Variants in ENTPD1 observed in about 807,000 individuals in gnomAD.
The protein encoded by ENTPD1 is ectonucleoside triphosphate diphosphohydrolase 1.
A neutral mutation model predicts 57.0 loss-of-function variants in ENTPD1; 33 were observed. The observed-to-expected ratio is 0.58, with a 90% confidence interval of 0.44 to 0.77. The LOEUF (loss-of-function observed/expected upper bound fraction) is 0.77. Ranked by LOEUF, ENTPD1 falls within the 30% of genes least tolerant of loss-of-function variation. The pLI is 0.00. For missense variants in ENTPD1, 501 were observed against 603.4 expected (o/e 0.83, Z 1.78); for synonymous variants, 202 against 218.8 (o/e 0.92, Z 0.68).
intron 7 of ENTPD1, among the ~76,000 whole-genome samples, chr10:95,859,857 G>C (rs2098462246): frequency 6.7e-6 from 1 of 149,846 alleles, no homozygotes; most frequent in Non-Finnish European, 1.5e-5. Flanking sequence ...ATTTTTTTTT[G>C]TTTTACTGAT....
chr10:95,704,699 T>C, the ENTPD1 span, among the ~76,000 whole-genome samples: 3 of 152,128 alleles, frequency 2.0e-5, no homozygotes, highest in Non-Finnish European at 4.4e-5. Context: ...TGATGTAAGA[T>C]AATACGATCC....
intron 1 of ENTPD1, among the ~76,000 whole-genome samples, chr10:95,786,842 T>C (rs1264689287): frequency 1.3e-5 from 2 of 152,216 alleles, no homozygotes; most frequent in Non-Finnish European, 2.9e-5. Flanking sequence ...TGATTACAAA[T>C]GGAGTTGTGG....
Position 95,866,743 on chromosome 10 carries a change from T to C in ENTPD1, c.*360T>C. On this transcript the variant is annotated 3_prime_UTR_variant, in exon 10 of 10. Transcript: ENST00000371205. ...AGTCTTGAGTCCTGTGATAGGAGGCTGAGCTGGCTGAAAGAAGAATCTCAG... is the reference window on the plus strand; with the variant it reads ...AGTCTTGAGTCCTGTGATAGGAGGCCGAGCTGGCTGAAAGAAGAATCTCAG... 1 of 1,140,016 alleles carries C rather than the reference T, an allele frequency of 8.8e-7. No individual in the cohort carries two copies. The highest frequency in any genetic ancestry group is 1.1e-6 in the Non-Finnish European group (1 of 920,018). 70.6% of individuals were successfully genotyped at this position (1,140,016 alleles called of 1,614,324 possible). A position where few individuals can be genotyped will look rare whatever the true frequency, so the allele number is the denominator to read the frequency against.
chr10:95,823,667 C>G (rs573482879), intron 2 of ENTPD1, among the ~76,000 whole-genome samples: 20 of 152,310 alleles, frequency 1.3e-4, no homozygotes, highest in African/African-American at 4.6e-4. Flanking sequence ...CTGTGTAATA[C>G]TATGCCAAGA....
At chr10:95,789,560 A>G (rs1252293424) in intron 1 of ENTPD1, among the ~76,000 whole-genome samples, 2 of 152,184 alleles carry the variant, frequency 1.3e-5, no homozygotes, top group African/African-American at 4.8e-5. Context: ...CCACTTTGCA[A>G]CAATTGGAAA....
At chr10:95,755,140 G>A (rs1001746773), upstream of ENTPD1, 2 of 152,192 alleles carry the variant, frequency 1.3e-5, no homozygotes, top group African/African-American at 4.8e-5. Flanking sequence ...AATATTTATT[G>A]AGAGCCCATG....
In ENTPD1 at chr10:95,842,441, G is replaced by T. The variant is rs2098424531; in HGVS notation, c.360G>T (p.Gln120His). The change falls in exon 4 of 10, where the codon CAG becomes CAT. Residue 120 changes from glutamine (Q) to histidine (H), a missense_variant. By Grantham distance (24) the Gln-to-His change is conservative (BLOSUM62 0). Transcript: ENST00000371205. The part of the protein sequence containing the change: ...ERAREVIPRS[Q>H]HQETPVYLGA... ...CTAGGGAAGTGATTCCAAGGTCCCAGCACCAAGAGACACCCGTTTACCTGG... is the reference window on the plus strand; with the variant it reads ...CTAGGGAAGTGATTCCAAGGTCCCATCACCAAGAGACACCCGTTTACCTGG... 6.2e-7 allele frequency: 1 copy of T among 1,613,976 alleles called. No individual in the cohort carries two copies. Among genetic ancestry groups the T allele is most frequent in the East Asian group, 2.2e-5 (1 of 44,888 alleles).
At position 95,868,926 on chromosome 10, in the gene ENTPD1, G is replaced by A; in HGVS notation, c.*2543G>A. ...ACTTGTTAAAATCTCAAATTATGGA[G>A]ACAATCAGCAGACACAACCTAACCC... On this transcript the variant is annotated 3_prime_UTR_variant, in exon 10 of 10. Transcript: ENST00000371205. The A allele has an allele frequency of 1.0e-6, 1 of 985,304 alleles. No individual in the cohort carries two copies. Among genetic ancestry groups the A allele is most frequent in the Non-Finnish European group, 1.2e-6 (1 of 829,908 alleles). The allele number at this position is 985,304 out of a possible 1,614,324, so 61.0% of individuals were successfully genotyped here. A position where few individuals can be genotyped will look rare whatever the true frequency, so the allele number is the denominator to read the frequency against.
At chr10:95,726,542 A>T (rs946788494) in intron 1 of ENTPD1, among the ~76,000 whole-genome samples, 3 of 152,134 alleles carry the variant, frequency 2.0e-5, no homozygotes, top group African/African-American at 7.2e-5. Context: ...TTTGTGCTAG[A>T]TATAGGATTC....
At chr10:95,858,397 A>T (rs1297300970) in intron 7 of ENTPD1, among the ~76,000 whole-genome samples, 1 of 152,100 alleles carries the variant, frequency 6.6e-6, no homozygotes, top group Non-Finnish European at 1.5e-5. Context: ...GCGACCTTGT[A>T]GGATTTGATT....
At chr10:95,719,069 C>T (rs538867446) in intron 1 of ENTPD1, among the ~76,000 whole-genome samples, 47 of 152,304 alleles carry the variant, frequency 3.1e-4, no homozygotes, top group South Asian at 1.4e-3. Flanking sequence ...GATGTCCACA[C>T]GGTAAGATCT....
intron 1 of ENTPD1, among the ~76,000 whole-genome samples, chr10:95,817,754 C>T (rs1763613883): frequency 6.6e-6 from 1 of 152,150 alleles, no homozygotes; most frequent in South Asian, 2.1e-4. Flanking sequence ...CTTTTTCTTC[C>T]TCCTCAGCAC....
chr10:95,700,458 T>TGGAGGATCACTTGAGGCC, the ENTPD1 span, among the ~76,000 whole-genome samples: 3 of 152,076 alleles, frequency 2.0e-5, no homozygotes, highest in Non-Finnish European at 4.4e-5. Flanking sequence ...CGCTTGAGGC[T>TGGAGGATCACTTGAGGCC]GGAGGATCAC....
chr10:95,722,738 C>A (rs2097978974), intron 1 of ENTPD1, among the ~76,000 whole-genome samples: 1 of 152,042 alleles, frequency 6.6e-6, no homozygotes, highest in Admixed American at 6.6e-5. Flanking sequence ...ATCGTCCTGT[C>A]CTGAAGGGAG....
chr10:95,710,728 CTCT>C (rs1032625918), upstream of ENTPD1, among the ~76,000 whole-genome samples: 6 of 151,908 alleles, frequency 3.9e-5, no homozygotes, highest in African/African-American at 1.4e-4. Context: ...TTTTTCTTTG[CTCT>C]TCTTCCTCAT....
intron 1 of ENTPD1, among the ~76,000 whole-genome samples, chr10:95,804,755 C>T (rs2098265224): frequency 6.6e-6 from 1 of 152,186 alleles, no homozygotes; most frequent in Non-Finnish European, 1.5e-5. Flanking sequence ...CTGTCTTGTG[C>T]CAGTTTTCAA....
intron 1 of ENTPD1, among the ~76,000 whole-genome samples, chr10:95,779,808 C>A (rs56853511): frequency 6.6e-6 from 1 of 152,202 alleles, no homozygotes; most frequent in African/African-American, 2.4e-5. Flanking sequence ...CAAACACTAT[C>A]GTGCATATTT....
chr10:95,764,842 C>T (rs1411732684), intron 1 of ENTPD1, among the ~76,000 whole-genome samples: 1 of 151,172 alleles, frequency 6.6e-6, no homozygotes, highest in Non-Finnish European at 1.5e-5. Flanking sequence ...CCTGCCTCAG[C>T]CTCCGGAGTA....
intron 1 of ENTPD1, among the ~76,000 whole-genome samples, chr10:95,803,461 A>T: frequency 6.6e-6 from 1 of 152,234 alleles, no homozygotes; most frequent in East Asian, 1.9e-4. Flanking sequence ...ATGACCAGTG[A>T]TGATGAGCAT....
Sources: gnomAD v4.1 joint callset for allele counts (sites outside exome capture counted in the v4.1 genomes callset) on GRCh38, gnomAD v4.1.1 for gene constraint, MANE v1.5 for transcripts, NCBI Gene and HGNC (gene_info 2026-07-23, HGNC 2026-07-21) for gene names.